AHCYL2: variants seen among roughly 807,000 people sequenced by gnomAD.
The protein encoded by AHCYL2 is adenosylhomocysteinase like 2.
A neutral mutation model predicts 81.4 loss-of-function variants in AHCYL2; 28 were observed. The ratio of observed to expected loss-of-function variants is 0.34; its 90% CI spans 0.25 to 0.47. The LOEUF is 0.47. Ranked by LOEUF, AHCYL2 falls within the 20% of genes least tolerant of loss-of-function variation. The pLI is 1.00. For synonymous variants in AHCYL2, 272 were observed against 290.2 expected, an observed-to-expected ratio of 0.94 and a Z score of 0.64; for missense variants, 551 against 785.1, an observed-to-expected ratio of 0.70 and a Z score of 3.56.
intron 1 of AHCYL2, among the ~76,000 whole-genome samples, chr7:129,253,541 A>G (rs562896996): frequency 1.3e-5 from 2 of 152,332 alleles, no homozygotes; most frequent in South Asian, 4.1e-4. Flanking sequence ...CAAACACTGT[A>G]TTTTGCTAAG....
chr7:129,379,598 A>G (rs1794853052), intron 1 of AHCYL2, 40 bp from the exon 2 acceptor site: 1 of 1,497,130 alleles, frequency 6.7e-7, no homozygotes, highest in Non-Finnish European at 9.2e-7. Context: ...CTCAAAATGG[A>G]GGTTCTTTTT....
intron 1 of AHCYL2, among the ~76,000 whole-genome samples, chr7:129,226,003 A>G (rs73230596): frequency 8.2e-4 from 125 of 152,246 alleles, no homozygotes; most frequent in Non-Finnish European, 1.5e-3. Context: ...CGACTGCGAT[A>G]TTCTCTCTTC....
At chr7:129,370,402 TAA>T (rs1563216403) in intron 1 of AHCYL2, among the ~76,000 whole-genome samples, 1 of 151,852 alleles carries the variant, frequency 6.6e-6, no homozygotes, top group East Asian at 1.9e-4. Context: ...AAAAAATAAA[TAA>T]AAAAATTTGC....
chr7:129,326,896 G>A (rs935157182), intron 1 of AHCYL2, among the ~76,000 whole-genome samples: 2 of 152,130 alleles, frequency 1.3e-5, no homozygotes, highest in African/African-American at 4.8e-5. Context: ...CTATGCTTTG[G>A]ACTTTATTCT....
At chr7:129,360,872 A>G (rs1403540943) in intron 1 of AHCYL2, among the ~76,000 whole-genome samples, 2 of 152,168 alleles carry the variant, frequency 1.3e-5, no homozygotes, top group Admixed American at 6.6e-5. Context: ...TTTTGAGGAT[A>G]GTGAGGAGTA....
intron 1 of AHCYL2, among the ~76,000 whole-genome samples, chr7:129,340,551 G>A (rs1332770313): frequency 6.8e-6 from 1 of 148,002 alleles, no homozygotes. Flanking sequence ...CTGGGAGACA[G>A]AGCGAGACTC....
intron 1 of AHCYL2, among the ~76,000 whole-genome samples, chr7:129,369,550 GTTTT>G (rs35051098): frequency 1.5e-5 from 2 of 132,550 alleles, no homozygotes; most frequent in Non-Finnish European, 3.2e-5. Context: ...TTGTGTTCAG[GTTTT>G]TTTTTTTTTT....
At chr7:129,253,671 G>A (rs1563167712) in intron 1 of AHCYL2, among the ~76,000 whole-genome samples, 1 of 152,132 alleles carries the variant, frequency 6.6e-6, no homozygotes, top group Non-Finnish European at 1.5e-5. Flanking sequence ...GGGTGCAGTG[G>A]TTCAGACACA....
intron 1 of AHCYL2, among the ~76,000 whole-genome samples, chr7:129,307,436 G>C (rs979867658): frequency 1.8e-4 from 27 of 151,960 alleles, no homozygotes; most frequent in African/African-American, 6.5e-4. Context: ...TTCACTTAAG[G>C]CCCAAGGGCT....
chr7:129,283,861 T>A (rs1229820580), intron 1 of AHCYL2, among the ~76,000 whole-genome samples: 1 of 152,164 alleles, frequency 6.6e-6, no homozygotes, highest in East Asian at 1.9e-4. Flanking sequence ...GATTTGATCT[T>A]GTGACCTTAG....
At chr7:129,338,256 C>A (rs903036510) in intron 1 of AHCYL2, among the ~76,000 whole-genome samples, 7 of 151,972 alleles carry the variant, frequency 4.6e-5, no homozygotes, top group African/African-American at 1.7e-4. Flanking sequence ...TCAAGCAATC[C>A]TCCTGCCTCA....
chr7:129,408,937 A>G (rs1796433036), intron 10 of AHCYL2, among the ~76,000 whole-genome samples: 1 of 152,164 alleles, frequency 6.6e-6, no homozygotes, highest in Admixed American at 6.5e-5. Context: ...GAAGTTGGGC[A>G]TGGTGGTGTA....
At chr7:129,321,743 GTTTTTTTTTTTT>G in intron 1 of AHCYL2, among the ~76,000 whole-genome samples, 2 of 77,626 alleles carry the variant, frequency 2.6e-5, no homozygotes, top group East Asian at 4.4e-4. Context: ...TTCTTTCTTT[GTTTTTTTTTTTT>G]TTTTTTTTTG....
At chr7:129,230,867 G>A (rs539880524) in intron 1 of AHCYL2, among the ~76,000 whole-genome samples, 14 of 152,246 alleles carry the variant, frequency 9.2e-5, no homozygotes, top group African/African-American at 3.1e-4. Flanking sequence ...CACCACGCCT[G>A]GCCCTAAATC....
At chr7:129,395,313 C>T (rs1462307593) in intron 4 of AHCYL2, among the ~76,000 whole-genome samples, 1 of 152,158 alleles carries the variant, frequency 6.6e-6, no homozygotes, top group Non-Finnish European at 1.5e-5. Context: ...GCTAAGCACA[C>T]GGTGAGGGCA....
intron 7 of AHCYL2, among the ~76,000 whole-genome samples, 185 bp from the exon 8 acceptor site, chr7:129,404,912 G>T (rs973334415): frequency 6.6e-6 from 1 of 152,068 alleles, no homozygotes; most frequent in Non-Finnish European, 1.5e-5. Flanking sequence ...TCTTTATTGT[G>T]AAGCTATATA....
chr7:129,366,878 G>A (rs1794141637), intron 1 of AHCYL2, among the ~76,000 whole-genome samples: 1 of 152,080 alleles, frequency 6.6e-6, no homozygotes, highest in African/African-American at 2.4e-5. Context: ...TGCCCAAGGT[G>A]GTCAGAACAC....
At chr7:129,347,517 A>G (rs966935713) in intron 1 of AHCYL2, among the ~76,000 whole-genome samples, 1 of 152,158 alleles carries the variant, frequency 6.6e-6, no homozygotes, top group African/African-American at 2.4e-5. Flanking sequence ...ATAACTAAGG[A>G]CTACTGGTCT....
At chr7:129,418,980 A>G (rs543079110) in intron 12 of AHCYL2, among the ~76,000 whole-genome samples, 1 of 152,274 alleles carries the variant, frequency 6.6e-6, no homozygotes, top group South Asian at 2.1e-4. Flanking sequence ...ACTCAGTGAA[A>G]CTGTGGGAGA....
Sources: gnomAD v4.1 joint callset for allele counts (sites outside exome capture counted in the v4.1 genomes callset) on GRCh38, gnomAD v4.1.1 for gene constraint, MANE v1.5 for transcripts, NCBI Gene and HGNC (gene_info 2026-07-23, HGNC 2026-07-21) for gene names.